Variants in BCR observed in about 807,000 individuals in gnomAD.
BCR encodes the protein BCR activator of RhoGEF and GTPase.
BCR carries 58 observed loss-of-function variants against 138.6 expected under a neutral mutation model. That is an observed-to-expected ratio of 0.42 (90% CI 0.34 to 0.52). The LOEUF is 0.52. Ranked by LOEUF, BCR falls within the 20% of genes least tolerant of loss-of-function variation. The pLI is 0.06. For missense variants in BCR, 1,599 were observed against 1,727.2 expected (o/e 0.93, Z 1.32); for synonymous variants, 786 against 730.1 (o/e 1.08, Z -1.23).
intron 2 of BCR, among the ~76,000 whole-genome samples, chr22:23,258,595 GTTC>G (rs1296685214): frequency 6.6e-6 from 1 of 152,220 alleles, no homozygotes; most frequent in Non-Finnish European, 1.5e-5. Context: ...AAACCCATCA[GTTC>G]TCACTGGAGG....
At chr22:23,232,190 C>T (rs1452668601) in intron 1 of BCR, among the ~76,000 whole-genome samples, 1 of 152,252 alleles carries the variant, frequency 6.6e-6, no homozygotes, top group Non-Finnish European at 1.5e-5. Flanking sequence ...ATGATAGGAC[C>T]CAGGACCCCA....
At chr22:23,250,460 G>T (rs781505365) in intron 1 of BCR, among the ~76,000 whole-genome samples, 18 of 152,218 alleles carry the variant, frequency 1.2e-4, no homozygotes, top group Admixed American at 3.9e-4. Flanking sequence ...GGAAAAGAGG[G>T]ATGAGGAAGG....
At chr22:23,292,481 G>T in intron 14 of BCR, 60 bp from the exon 15 acceptor site, 2 of 1,200,026 alleles carry the variant, frequency 1.7e-6, no homozygotes, top group South Asian at 1.3e-5. Context: ...TGCTCTTACA[G>T]ACCATGTGGG....
intron 1 of BCR, among the ~76,000 whole-genome samples, chr22:23,205,886 A>G (rs1466262657): frequency 6.6e-6 from 1 of 152,124 alleles, no homozygotes; most frequent in East Asian, 1.9e-4. Flanking sequence ...CAGTTTGCCA[A>G]CCTGTGTTTC....
In BCR at chr22:23,262,628, C is replaced by T. The variant is rs560488679; in HGVS notation, c.1752+1088C>T. 459 of 276,380 alleles carry T rather than the reference C, an allele frequency of 1.7e-3. 1 individual carries two copies. Among genetic ancestry groups the T allele is most frequent in the Non-Finnish European group, 2.2e-3 (398 of 181,890 alleles). 17.1% of individuals were successfully genotyped at this position (276,380 alleles called of 1,614,324 possible). On this transcript the variant is annotated intron_variant, in intron 4 of 22. Transcript: ENST00000305877. Reference sequence around the variant, plus strand: ...GGGTGGTGGCTCGGGCTGGGCTCCGCGTCGGGCTGCCCCGCAGCTGCTCTT... The same window carrying T: ...GGGTGGTGGCTCGGGCTGGGCTCCGTGTCGGGCTGCCCCGCAGCTGCTCTT...
Position 23,292,620 on chromosome 22 carries a change from T to A in BCR, c.2862T>A (p.Ala954=). ...AGACGCGCGTCTACAGGGACACAGC[T>A]GAGCCAAACTGGAACGAGGTGAGGA... The part of the protein sequence containing the change: ...KAKTRVYRDT[A]EPNWNEEFEI... Residue 954 remains alanine (A), a synonymous_variant, in exon 15 of 23, where the codon GCT becomes GCA. Transcript: ENST00000305877. 6.2e-7 allele frequency: 1 copy of A among 1,612,184 alleles called. No individual in the cohort carries two copies.
intron 5 of BCR, 79 bp downstream of exon 5, chr22:23,268,594 C>T (rs1036336907): frequency 1.9e-5 from 23 of 1,225,622 alleles, no homozygotes; most frequent in South Asian, 2.6e-5. Context: ...GAACAGAGTG[C>T]ACCAGATCAA....
chr22:23,224,299 G>A (rs574502798), intron 1 of BCR, among the ~76,000 whole-genome samples: 4 of 152,276 alleles, frequency 2.6e-5, no homozygotes, highest in Non-Finnish European at 4.4e-5. Context: ...GGGGAGGACC[G>A]AGGTCCAGGT....
intron 9 of BCR, among the ~76,000 whole-genome samples, chr22:23,284,479 A>G (rs765996556): frequency 6.6e-6 from 1 of 150,884 alleles, no homozygotes; most frequent in African/African-American, 2.4e-5. Context: ...GCGTGCACAC[A>G]CTCCCCTCCT....
At chr22:23,187,318 G>C (rs1305749859) in intron 1 of BCR, among the ~76,000 whole-genome samples, 6 of 144,880 alleles carry the variant, frequency 4.1e-5, no homozygotes, top group African/African-American at 1.0e-4. Flanking sequence ...TGGTTGGCTA[G>C]GCAGTTTTCC....
intron 16 of BCR, 95 bp downstream of exon 16, chr22:23,295,250 A>AGGGTG (rs1258660095): frequency 8.0e-6 from 4 of 497,486 alleles, no homozygotes; most frequent in South Asian, 3.5e-5. Flanking sequence ...CCTTGCACCC[A>AGGGTG]GGGTGGGGTG....
Position 23,268,387 on chromosome 22 carries a change from C to G in BCR, c.1753-21C>G, listed in dbSNP as rs753853491. On this transcript the variant is annotated intron_variant, in intron 4 of 22. Transcript: ENST00000305877. ...GGAGCAGCAGCACCTGTCCCACTCTCTCTTCCTTCCTCCCCCTCAGGCCAG... is the reference window on the plus strand; with the variant it reads ...GGAGCAGCAGCACCTGTCCCACTCTGTCTTCCTTCCTCCCCCTCAGGCCAG... The G allele has an allele frequency of 1.3e-6, 2 of 1,585,436 alleles. 1 individual carries two copies. Among genetic ancestry groups the G allele is most frequent in the Admixed American group, 3.5e-5 (2 of 57,108 alleles).
At position 23,180,573 on chromosome 22, in the gene BCR, C is replaced by A. The variant is rs1046858519; in HGVS notation, c.-388C>A. 1.8e-4 allele frequency: 7 copies of A among 37,978 alleles called. No individual in the cohort carries two copies. In the African/African-American group the frequency reaches 7.1e-3, roughly 38 times the overall value. The allele number at this position is 37,978 out of a possible 1,614,324, so 2.4% of individuals were successfully genotyped here. A position where few individuals can be genotyped will look rare whatever the true frequency, so the allele number is the denominator to read the frequency against. On this transcript the variant is annotated 5_prime_UTR_variant, in exon 1 of 23. Transcript: ENST00000305877. ...TGGCTGAGCTTAGCGTCCGAGGAGG[C>A]GGCGGCGGCGGCGGCGGCACGGCGG...
chr22:23,292,882 T>C (rs1221986468), intron 15 of BCR, among the ~76,000 whole-genome samples: 1 of 152,226 alleles, frequency 6.6e-6, no homozygotes, highest in Non-Finnish European at 1.5e-5. Flanking sequence ...GAGAAGTGTT[T>C]GGAAAGAGAC....
At chr22:23,252,691 A>G (rs1482179262) in intron 1 of BCR, among the ~76,000 whole-genome samples, 1 of 151,924 alleles carries the variant, frequency 6.6e-6, no homozygotes, top group Non-Finnish European at 1.5e-5. Flanking sequence ...TCGGCCTCCC[A>G]AAGTGCTGGG....
At chr22:23,191,948 G>A (rs1261267463) in intron 1 of BCR, among the ~76,000 whole-genome samples, 2 of 152,142 alleles carry the variant, frequency 1.3e-5, no homozygotes, top group Non-Finnish European at 1.5e-5. Flanking sequence ...AGAACTTCCC[G>A]AATCCTCAGA....
At chr22:23,303,945 T>C (rs1391399768) in intron 16 of BCR, among the ~76,000 whole-genome samples, 1 of 148,794 alleles carries the variant, frequency 6.7e-6, no homozygotes, top group Admixed American at 6.7e-5. Flanking sequence ...TTTTTTTTTT[T>C]TTTTTTTAAG....
intron 22 of BCR, among the ~76,000 whole-genome samples, chr22:23,315,206 A>G (rs1203172725): frequency 6.6e-6 from 1 of 152,072 alleles, no homozygotes; most frequent in Non-Finnish European, 1.5e-5. Context: ...CCTGGGGGAC[A>G]GAGCAAGGCC....
At chr22:23,290,644 G>C (rs1368900168) in intron 14 of BCR, 1 of 530,876 alleles carries the variant, frequency 1.9e-6, no homozygotes, top group Non-Finnish European at 3.4e-6. Context: ...GATCCTGGGA[G>C]CTGGTGAGCT....
Sources: allele counts gnomAD v4.1 joint callset (sites outside exome capture counted in the v4.1 genomes callset), GRCh38; gene constraint gnomAD v4.1.1; transcripts MANE v1.5; gene names NCBI Gene and HGNC (gene_info 2026-07-23, HGNC 2026-07-21).